Variants in VTI1A observed in about 807,000 individuals in gnomAD.
The protein encoded by VTI1A is vesicle transport through interaction with t-SNAREs 1A.
VTI1A carries 22 observed loss-of-function variants against 34.9 expected under a neutral mutation model. That is an observed-to-expected ratio of 0.63 (90% CI 0.45 to 0.90). VTI1A has a LOEUF of 0.90. Among genes scored for constraint, VTI1A ranks in the 40% least tolerant of loss-of-function variants. The pLI is 0.00. For missense variants in VTI1A, 268 were observed against 275.6 expected (o/e 0.97, Z 0.20); for synonymous variants, 87 against 97.3 (o/e 0.89, Z 0.62).
chr10:112,812,987 C>T (rs1026466401), intron 7 of VTI1A, among the ~76,000 whole-genome samples: 27 of 152,322 alleles, frequency 1.8e-4, no homozygotes, highest in African/African-American at 6.3e-4. Flanking sequence ...TTACAGTTAC[C>T]AGAGACTGCA....
the VTI1A span, among the ~76,000 whole-genome samples, chr10:112,850,785 A>G: frequency 1.3e-5 from 2 of 152,312 alleles, no homozygotes; most frequent in South Asian, 4.1e-4. Context: ...TAAAACTTTG[A>G]AGATAGCAAC....
intron 3 of VTI1A, among the ~76,000 whole-genome samples, chr10:112,514,233 C>G (rs1235426805): frequency 6.6e-6 from 1 of 151,932 alleles, no homozygotes; most frequent in Non-Finnish European, 1.5e-5. Context: ...CTACTTCAGT[C>G]TTGGTAGGCT....
chr10:112,838,330 G>A, the VTI1A span, among the ~76,000 whole-genome samples: 1 of 152,206 alleles, frequency 6.6e-6, no homozygotes, highest in African/African-American at 2.4e-5. Context: ...GGGGTCCCAG[G>A]GACCTGGGAG....
In VTI1A at chr10:112,470,339, C is replaced by T. The variant is rs550346814; in HGVS notation, c.264+5682C>T. ...GGACAGATTAATGGGAAAAACCAAA[C>T]AAAATGTATTGTGTGCGTAAGTACA... On this transcript the variant is annotated intron_variant, in intron 3 of 7. Transcript: ENST00000393077. Among the ~76,000 whole-genome samples the T allele has an allele frequency of 2.0e-5, 3 of 152,214 alleles. No homozygotes were observed. In the South Asian group the frequency reaches 6.2e-4, roughly 32 times the overall value.
At chr10:112,753,253 A>G (rs977130831) in intron 7 of VTI1A, among the ~76,000 whole-genome samples, 1 of 151,312 alleles carries the variant, frequency 6.6e-6, no homozygotes, top group African/African-American at 2.4e-5. Context: ...AACAGCCAAG[A>G]AACTTTACTC....
At chr10:112,454,727 A>C (rs1224695820) in intron 1 of VTI1A, among the ~76,000 whole-genome samples, 1 of 151,282 alleles carries the variant, frequency 6.6e-6, no homozygotes, top group Non-Finnish European at 1.5e-5. Context: ...AAAAAAAAAA[A>C]AGTGGGAGAC....
intron 7 of VTI1A, among the ~76,000 whole-genome samples, chr10:112,755,754 G>A (rs991837069): frequency 6.6e-6 from 1 of 152,154 alleles, no homozygotes; most frequent in Non-Finnish European, 1.5e-5. Context: ...ATACTTGTGT[G>A]TATATATATA....
At chr10:112,846,765 CAAAAAA>C in the VTI1A span, among the ~76,000 whole-genome samples, 2 of 60,630 alleles carry the variant, frequency 3.3e-5, no homozygotes, top group Admixed American at 3.5e-4. Context: ...GACTCCGTCT[CAAAAAA>C]AAAAAAAAAA....
At chr10:112,662,330 T>C (rs1297723182) in intron 5 of VTI1A, among the ~76,000 whole-genome samples, 1 of 152,214 alleles carries the variant, frequency 6.6e-6, no homozygotes, top group Non-Finnish European at 1.5e-5. Context: ...TCACAAGTTA[T>C]TGATGCTATG....
intron 3 of VTI1A, among the ~76,000 whole-genome samples, chr10:112,492,568 A>G (rs1848866089): frequency 1.3e-5 from 2 of 152,158 alleles, no homozygotes; most frequent in African/African-American, 4.8e-5. Flanking sequence ...CAGGCAGATC[A>G]TGAGGTCAAG....
chr10:112,810,133 T>TG (rs1407254278), intron 7 of VTI1A, among the ~76,000 whole-genome samples: 2 of 151,294 alleles, frequency 1.3e-5, no homozygotes, highest in Non-Finnish European at 2.9e-5. Context: ...CCTGGCATGG[T>TG]GGCTCACACT....
intron 3 of VTI1A, among the ~76,000 whole-genome samples, chr10:112,501,692 T>G (rs1849247121): frequency 9.1e-6 from 1 of 110,338 alleles, no homozygotes; most frequent in Admixed American, 1.4e-4. Flanking sequence ...AATCTAAAAC[T>G]TTTACACTAA....
At chr10:112,761,770 C>CCG (rs1851471533) in intron 7 of VTI1A, among the ~76,000 whole-genome samples, 1 of 145,826 alleles carries the variant, frequency 6.9e-6, no homozygotes, top group African/African-American at 2.5e-5. Context: ...CTTTCTTTCT[C>CCG]TGTGTGTGTG....
At chr10:112,635,680 C>T (rs1455249246) in intron 5 of VTI1A, among the ~76,000 whole-genome samples, 1 of 152,074 alleles carries the variant, frequency 6.6e-6, no homozygotes, top group African/African-American at 2.4e-5. Flanking sequence ...GGAAAAGAAA[C>T]AAGTATGAGA....
intron 5 of VTI1A, among the ~76,000 whole-genome samples, chr10:112,540,968 A>G (rs1850844144): frequency 6.6e-6 from 1 of 152,202 alleles, no homozygotes; most frequent in African/African-American, 2.4e-5. Context: ...AGTTTTCACC[A>G]GTGCACTGCA....
chr10:112,602,068 G>A (rs569138861), intron 5 of VTI1A, among the ~76,000 whole-genome samples: 2 of 152,192 alleles, frequency 1.3e-5, no homozygotes, highest in Non-Finnish European at 2.9e-5. Context: ...TTCCTCACAT[G>A]ACAGTTGCTC....
chr10:112,744,493 C>T (rs1226599978), intron 7 of VTI1A, among the ~76,000 whole-genome samples: 10 of 131,624 alleles, frequency 7.6e-5, no homozygotes, highest in Non-Finnish European at 1.1e-4. Flanking sequence ...CAGAGTCTGT[C>T]GCCCAGGCTG....
intron 7 of VTI1A, among the ~76,000 whole-genome samples, chr10:112,689,571 G>A (rs1219300272): frequency 6.6e-6 from 1 of 152,136 alleles, no homozygotes; most frequent in Admixed American, 6.5e-5. Flanking sequence ...GGGGATAAAC[G>A]AAAACGTCAC....
chr10:112,571,163 C>A (rs1396432826), intron 5 of VTI1A, among the ~76,000 whole-genome samples: 1 of 152,152 alleles, frequency 6.6e-6, no homozygotes, highest in East Asian at 1.9e-4. Context: ...ATTCAAAATG[C>A]CATACTGCTA....
Sources: gnomAD v4.1 joint callset for allele counts (sites outside exome capture counted in the v4.1 genomes callset) on GRCh38, gnomAD v4.1.1 for gene constraint, MANE v1.5 for transcripts, NCBI Gene and HGNC (gene_info 2026-07-23, HGNC 2026-07-21) for gene names.